MAML3: variants seen among roughly 807,000 people sequenced by gnomAD.
MAML3 encodes the protein mastermind like transcriptional coactivator 3, also known as mastermind-like protein 3.
In MAML3, 27 loss-of-function variants were observed where a neutral mutation model predicts 101.9. That is an observed-to-expected ratio of 0.27 (90% CI 0.20 to 0.37). The LOEUF is 0.37. MAML3 is among the 10% of genes least tolerant of loss of function. The probability of loss-of-function intolerance (pLI) is 1.00; values close to 1 mark genes in which losing one functional copy is unlikely to be tolerated. For missense variants in MAML3, 1,316 were observed against 1,444.9 expected (o/e 0.91, Z 1.45); for synonymous variants, 501 against 555.9 (o/e 0.90, Z 1.39).
At chr4:139,812,972 T>TAA (rs36096630) in intron 2 of MAML3, among the ~76,000 whole-genome samples, 8,752 of 128,132 alleles carry the variant, frequency 0.068, 413 homozygotes, top group Non-Finnish European at 0.084. Context: ...CTCAGAAATG[T>TAA]AAAAAAAAAA....
At position 139,735,738 on chromosome 4, in the gene MAML3, G is replaced by A. The variant is rs941965900; in HGVS notation, c.2080-5071C>T. Among the ~76,000 whole-genome samples the A allele has an allele frequency of 6.6e-6, 1 of 152,210 alleles. No homozygotes were observed. ...CCTATATGCTTACAAGTCCTCAGGG[G>A]ACTCCGGCTAGGAAGTCAGGAGTGG... On this transcript the variant is annotated intron_variant, in intron 2 of 4. Transcript: ENST00000509479. The surrounding 1 kb of genome is among the most constrained non-coding windows in gnomAD (Gnocchi z 5.8).
intron 2 of MAML3, among the ~76,000 whole-genome samples, chr4:139,875,561 G>C (rs543452896): frequency 1.1e-4 from 16 of 152,216 alleles, no homozygotes; most frequent in Admixed American, 2.0e-4. Context: ...CAGCGCACCA[G>C]CCACTCTCAT....
intron 4 of MAML3, among the ~76,000 whole-genome samples, chr4:139,721,351 A>G (rs1728226970): frequency 6.6e-6 from 1 of 152,212 alleles, no homozygotes; most frequent in South Asian, 2.1e-4. Context: ...AGGTACACAA[A>G]AACGGATTTT....
At chr4:139,789,710 C>T (rs781518782) in intron 2 of MAML3, among the ~76,000 whole-genome samples, 18 of 152,144 alleles carry the variant, frequency 1.2e-4, no homozygotes, top group Middle Eastern at 3.4e-3. Context: ...TGTCTTGGAA[C>T]AGAGAGAGAA....
intron 2 of MAML3, among the ~76,000 whole-genome samples, chr4:139,773,905 C>T (rs11735182): frequency 0.15 from 23,567 of 152,152 alleles, 1,966 homozygotes; most frequent in Middle Eastern, 0.23. Flanking sequence ...AAATTGCAAA[C>T]AACCGGACCA....
In MAML3 at chr4:139,772,015, G is replaced by A. The variant is rs368955179; in HGVS notation, c.2080-41348C>T. The stretch of plus-strand genomic sequence containing the variant: ...AGCACTTTGGGAGGCCGAGGTGGGC[G>A]GATCACGAGGTCAGCAGATCCAGAC... On this transcript the variant is annotated intron_variant, in intron 2 of 4. Coordinates refer to ENST00000509479, the MANE Select transcript of MAML3 (RefSeq NM_018717.5). Among the ~76,000 whole-genome samples, 54 of 151,358 alleles carry A rather than the reference G, an allele frequency of 3.6e-4. No individual in the cohort carries two copies. In the East Asian group the frequency reaches 4.5e-3, roughly 13 times the overall value.
At chr4:140,061,589 T>A (rs1311751590) in intron 1 of MAML3, among the ~76,000 whole-genome samples, 1 of 152,194 alleles carries the variant, frequency 6.6e-6, no homozygotes, top group Non-Finnish European at 1.5e-5. Context: ...GTTACTAAAA[T>A]ACAACCTTGG....
At chr4:140,143,590 G>A (rs111495975) in intron 1 of MAML3, among the ~76,000 whole-genome samples, 5,612 of 152,110 alleles carry the variant, frequency 0.037, 308 homozygotes, top group African/African-American at 0.13. Context: ...GTGAAACCCC[G>A]TCTCTACTAA....
At chr4:140,009,212 T>A (rs1242914472) in intron 1 of MAML3, among the ~76,000 whole-genome samples, 3 of 152,200 alleles carry the variant, frequency 2.0e-5, no homozygotes, top group Non-Finnish European at 2.9e-5. Flanking sequence ...TCCCTAGAAT[T>A]TTGGTTTACT....
intron 1 of MAML3, among the ~76,000 whole-genome samples, chr4:139,914,509 A>G (rs1484658764): frequency 6.6e-6 from 1 of 152,182 alleles, no homozygotes; most frequent in East Asian, 1.9e-4. Context: ...AAAAAAAAGA[A>G]AATGACCACA....
intron 1 of MAML3, among the ~76,000 whole-genome samples, chr4:140,019,426 G>C (rs930996503): frequency 2.0e-5 from 3 of 152,140 alleles, no homozygotes; most frequent in Non-Finnish European, 4.4e-5. Flanking sequence ...CCAGCGCTGA[G>C]AAAACAGCCT....
chr4:140,153,465 C>G lies in MAML3; in HGVS notation c.-138G>C. 1.1e-6 allele frequency: 1 copy of G among 950,538 alleles called. No individual in the cohort carries two copies. The highest frequency in any genetic ancestry group is 1.4e-6 in the Non-Finnish European group (1 of 722,490). The allele number at this position is 950,538 out of a possible 1,614,324, so 58.9% of individuals were successfully genotyped here. On this transcript the variant is annotated 5_prime_UTR_variant, in exon 1 of 5. Coordinates refer to ENST00000509479, the MANE Select transcript of MAML3 (RefSeq NM_018717.5). ...AGCACATGGATGGAAACGGCGATCC[C>G]GACGGGGCGAAAAAAACGGGGGGGG... is the stretch of plus-strand genomic sequence containing the variant.
At chr4:139,846,263 G>T (rs1285767952) in intron 2 of MAML3, among the ~76,000 whole-genome samples, 1 of 152,160 alleles carries the variant, frequency 6.6e-6, no homozygotes, top group South Asian at 2.1e-4. Context: ...ACATATTTTT[G>T]TCTGTAAGAG....
At chr4:139,856,117 T>G (rs953044947) in intron 2 of MAML3, among the ~76,000 whole-genome samples, 26 of 152,186 alleles carry the variant, frequency 1.7e-4, no homozygotes, top group Admixed American at 1.7e-3. Context: ...GCCATGCCAA[T>G]GTCTTGTCTT....
intron 2 of MAML3, among the ~76,000 whole-genome samples, chr4:139,790,299 A>T (rs1730385609): frequency 6.8e-6 from 1 of 147,400 alleles, no homozygotes; most frequent in Non-Finnish European, 1.5e-5. Context: ...CTATATATAT[A>T]ATATATATAC....
At chr4:139,867,489 C>A (rs930280332) in intron 2 of MAML3, among the ~76,000 whole-genome samples, 1 of 152,198 alleles carries the variant, frequency 6.6e-6, no homozygotes, top group Admixed American at 6.5e-5. Flanking sequence ...ATACCAAGCT[C>A]CTGACAGTCA....
In MAML3 at chr4:139,735,956, C is replaced by T. The variant is rs374660291; in HGVS notation, c.2080-5289G>A. Among the ~76,000 whole-genome samples the T allele has an allele frequency of 3.9e-4, 60 of 152,190 alleles. No individual in the cohort carries two copies. The East Asian group carries it at 7.0e-3, about 18-fold the overall frequency. On this transcript the variant is annotated intron_variant, in intron 2 of 4. Coordinates refer to ENST00000509479, the MANE Select transcript of MAML3 (RefSeq NM_018717.5). This position sits in a 1 kb window ranked among gnomAD's most constrained non-coding sequence, Gnocchi z 5.8. ...CGAGGCTGCGGTGTGCTCCAGCGGG[C>T]GCATTTCCCAGGCCCCGCCACATCG... is the stretch of plus-strand genomic sequence containing the variant.
At chr4:139,833,372 T>C (rs866856436) in intron 2 of MAML3, among the ~76,000 whole-genome samples, 1 of 152,218 alleles carries the variant, frequency 6.6e-6, no homozygotes, top group East Asian at 1.9e-4. Context: ...CTCCAATGCA[T>C]TGTGGCTAAT....
chr4:139,823,140 A>G (rs992789716), intron 2 of MAML3, among the ~76,000 whole-genome samples: 1 of 152,234 alleles, frequency 6.6e-6, no homozygotes, highest in South Asian at 2.1e-4. Context: ...AAATCAGTAA[A>G]TGATTCCTCA....
Sources: allele counts gnomAD v4.1 joint callset (sites outside exome capture counted in the v4.1 genomes callset), GRCh38; gene constraint gnomAD v4.1.1; non-coding constraint Gnocchi (gnomAD v3.1); transcripts MANE v1.5; gene names NCBI Gene and HGNC (gene_info 2026-07-23, HGNC 2026-07-21).